Variants in CD72 observed in about 807,000 individuals in gnomAD.
The protein encoded by CD72 is CD72 molecule, also known as B-cell differentiation antigen CD72.
CD72 carries 28 observed loss-of-function variants against 50.7 expected under a neutral mutation model. That is an observed-to-expected ratio of 0.55 (90% CI 0.41 to 0.76). CD72 has a LOEUF of 0.76. Among genes scored for constraint, CD72 ranks in the 30% least tolerant of loss-of-function variants. The probability of loss-of-function intolerance (pLI) is 0.00; values close to 1 mark genes in which losing one functional copy is unlikely to be tolerated. For synonymous variants in CD72, 176 were observed against 171.2 expected (o/e 1.03, Z -0.22); for missense variants, 403 against 420.6 (o/e 0.96, Z 0.37).
At chr9:35,616,989 G>A (rs529290300) in intron 3 of CD72, 187 bp downstream of exon 3, 1 of 1,444,120 alleles carries the variant, frequency 6.9e-7, no homozygotes, top group Non-Finnish European at 9.1e-7. Flanking sequence ...CCATCCGCAG[G>A]GGGGCGGTGC....
At chr9:35,646,548 T>C (rs927099720) in exon 1 of CD72, 3 of 152,256 alleles carry the variant, frequency 2.0e-5, no homozygotes. Context: ...TGTTCAGGGC[T>C]GAGGGCCTCG....
intron 1 of CD72, among the ~76,000 whole-genome samples, chr9:35,646,082 C>T (rs1042166660): frequency 2.0e-5 from 3 of 151,954 alleles, no homozygotes; most frequent in Non-Finnish European, 4.4e-5. Context: ...ATCTCTTGAA[C>T]CTGGGAGGCG....
chr9:35,615,199 T>C (rs903811700), intron 5 of CD72, among the ~76,000 whole-genome samples: 2 of 152,060 alleles, frequency 1.3e-5, no homozygotes, highest in African/African-American at 4.8e-5. Context: ...GCAAGGGGTG[T>C]CTGCACATAA....
At chr9:35,619,820 G>A (rs1469138838), upstream of CD72, among the ~76,000 whole-genome samples, 2 of 152,212 alleles carry the variant, frequency 1.3e-5, no homozygotes, top group African/African-American at 4.8e-5. Flanking sequence ...GGCAGAGAAT[G>A]ACGGGTCATT....
At chr9:35,624,742 G>A (rs559194734) in intron 1 of CD72, among the ~76,000 whole-genome samples, 9 of 152,130 alleles carry the variant, frequency 5.9e-5, no homozygotes, top group African/African-American at 1.4e-4. Context: ...CCAACAGCAC[G>A]TGCTCACTTC....
Position 35,617,170 on chromosome 9 carries a change from A to G in CD72, c.262+6T>C. ...CCCCGCGGCTGCCCCGCACAGGCAC[A>G]CTCACAGGGGAGAATCCGCCCGACA... is the stretch of plus-strand genomic sequence containing the variant. On this transcript the variant is annotated splice_donor_region_variant and intron_variant, in intron 3 of 8. Transcript: ENST00000259633. The G allele has an allele frequency of 6.4e-7, 1 of 1,560,180 alleles. No homozygotes were observed. Among genetic ancestry groups the G allele is most frequent in the Non-Finnish European group, 8.7e-7 (1 of 1,151,896 alleles).
chr9:35,614,898 A>G (rs1056440950), intron 5 of CD72, among the ~76,000 whole-genome samples: 2 of 150,686 alleles, frequency 1.3e-5, no homozygotes, highest in African/African-American at 2.5e-5. Flanking sequence ...GTAGGGAGAG[A>G]AGTGTGGACA....
Position 35,617,175 on chromosome 9 carries a change from CAG to C in CD72, c.261_262del (p.Cys88ProfsTer48), listed in dbSNP as rs1823078606. Reference sequence around the variant, plus strand: ...CGGCTGCCCCGCACAGGCACACTCACAGGGGAGAATCCGCCCGACAGCTGGTG... The same window carrying C: ...CGGCTGCCCCGCACAGGCACACTCACGGGAGAATCCGCCCGACAGCTGGTG... On this transcript the variant is annotated frameshift_variant and splice_region_variant, in exon 3 of 9. Coordinates refer to ENST00000259633, the MANE Select transcript of CD72 (RefSeq NM_001782.3). LOFTEE classifies it high-confidence loss of function. 6.4e-7 allele frequency: 1 copy of C among 1,562,328 alleles called. No homozygotes were observed. Among genetic ancestry groups the C allele is most frequent in the South Asian group, 1.2e-5 (1 of 84,940 alleles).
chr9:35,613,410 T>C (rs1188988040), intron 5 of CD72, among the ~76,000 whole-genome samples: 1 of 152,084 alleles, frequency 6.6e-6, no homozygotes, highest in Non-Finnish European at 1.5e-5. Flanking sequence ...TTGTGTACTG[T>C]TTTGCAGAAA....
chr9:35,632,450 T>A (rs75798159), intron 1 of CD72, among the ~76,000 whole-genome samples: 6 of 151,856 alleles, frequency 4.0e-5, no homozygotes, highest in African/African-American at 1.5e-4. Context: ...GATTACAGGC[T>A]TGAGCCACTG....
At chr9:35,640,684 G>A (rs1164809488) in intron 1 of CD72, among the ~76,000 whole-genome samples, 3 of 152,242 alleles carry the variant, frequency 2.0e-5, no homozygotes, top group Non-Finnish European at 4.4e-5. Flanking sequence ...GTCTGCGACA[G>A]TGGCAAACAG....
chr9:35,611,611 G>C (rs2131754400), intron 7 of CD72, among the ~76,000 whole-genome samples, 193 bp downstream of exon 7: 1 of 152,284 alleles, frequency 6.6e-6, no homozygotes, highest in Non-Finnish European at 1.5e-5. Flanking sequence ...GGGACTTCTA[G>C]GTGGAAATAG....
Position 35,617,176 on chromosome 9 carries a change from A to G in CD72, c.262T>C (p.Cys88Arg), listed in dbSNP as rs1823078545. ...GGCTGCCCCGCACAGGCACACTCAC[A>G]GGGGAGAATCCGCCCGACAGCTGGT... ...TSPAVGRILP[C>R]RTTCLRYLLL... The change falls in exon 3 of 9, where the codon TGC becomes CGC. Residue 88 changes from cysteine to arginine, a missense_variant and splice_region_variant. Cys to Arg is a radical substitution (Grantham distance 180). Coordinates refer to ENST00000259633, the MANE Select transcript of CD72 (RefSeq NM_001782.3). 2 of 1,562,734 alleles carry G rather than the reference A, an allele frequency of 1.3e-6. No individual in the cohort carries two copies. The highest frequency in any genetic ancestry group is 1.7e-6 in the Non-Finnish European group (2 of 1,153,192).
chr9:35,620,866 A>G (rs1823142241), upstream of CD72, among the ~76,000 whole-genome samples: 1 of 152,156 alleles, frequency 6.6e-6, no homozygotes, highest in Non-Finnish European at 1.5e-5. Context: ...GGAACTGCAC[A>G]CCGCAATATC....
chr9:35,632,459 T>G (rs1250366726), intron 1 of CD72, among the ~76,000 whole-genome samples: 1 of 152,102 alleles, frequency 6.6e-6, no homozygotes, highest in African/African-American at 2.4e-5. Flanking sequence ...CTTGAGCCAC[T>G]GTGCCCGGCC....
At chr9:35,611,537 T>C (rs1822984355) in intron 7 of CD72, among the ~76,000 whole-genome samples, 1 of 152,036 alleles carries the variant, frequency 6.6e-6, no homozygotes, top group African/African-American at 2.4e-5. Context: ...ATCCTTAATG[T>C]CTCCCCCTAA....
intron 2 of CD72, 62 bp from the exon 3 acceptor site, chr9:35,617,309 C>T (rs1823081603): frequency 6.7e-7 from 1 of 1,488,858 alleles, no homozygotes; most frequent in Non-Finnish European, 9.0e-7. Context: ...TCTCCTCCTG[C>T]GCACCCGCTT....
chr9:35,638,638 A>G (rs958314391), intron 1 of CD72, among the ~76,000 whole-genome samples: 27 of 151,150 alleles, frequency 1.8e-4, no homozygotes, highest in Non-Finnish European at 3.1e-4. Flanking sequence ...CTGTCCTGCA[A>G]GTTAACCTGC....
In CD72 at chr9:35,612,967, T is replaced by G. The variant is rs774407873; in HGVS notation, c.715A>C (p.Met239Leu). The G allele has an allele frequency of 6.2e-7, 1 of 1,613,458 alleles. No individual in the cohort carries two copies. Among genetic ancestry groups the G allele is most frequent in the Non-Finnish European group, 8.5e-7 (1 of 1,179,506 alleles). Reference sequence around the variant, plus strand: ...ATGTAAAAGCAGCTTTTCTGATGCATTATCCATCCCGACGGACAGCAGGTG... The same window carrying G: ...ATGTAAAAGCAGCTTTTCTGATGCAGTATCCATCCCGACGGACAGCAGGTG... ...ADTCCPSGWI[M>L]HQKSCFYISL... is the part of the protein sequence containing the mutation. Residue 239 changes from methionine to leucine, a missense_variant, in exon 6 of 9, where the codon ATG becomes CTG. Met to Leu is a conservative substitution (Grantham distance 15, BLOSUM62 2). Transcript: ENST00000259633.
Sources: allele counts gnomAD v4.1 joint callset (sites outside exome capture counted in the v4.1 genomes callset), GRCh38; gene constraint gnomAD v4.1.1; transcripts MANE v1.5; gene names NCBI Gene and HGNC (gene_info 2026-07-23, HGNC 2026-07-21).